Variants in DOT1L observed in about 807,000 individuals in gnomAD.
DOT1L encodes the protein histone-lysine N-methyltransferase, H3 lysine-79 specific.
Under a neutral mutation model 153.3 loss-of-function variants are expected in DOT1L, and 33 were observed. That is an observed-to-expected ratio of 0.22 (90% CI 0.16 to 0.29). The LOEUF is 0.29. Among genes scored for constraint, DOT1L ranks in the 10% least tolerant of loss-of-function variants. The probability of loss-of-function intolerance (pLI) is 1.00; values close to 1 mark genes in which losing one functional copy is unlikely to be tolerated. For synonymous variants in DOT1L, 1,135 were observed against 965.1 expected (o/e 1.18, Z -3.26); for missense variants, 1,847 against 2,119.9 (o/e 0.87, Z 2.53).
At chr19:2,225,643 C>T (rs754990416) in intron 26 of DOT1L, among the ~76,000 whole-genome samples, 191 bp downstream of exon 26, 8 of 151,568 alleles carry the variant, frequency 5.3e-5, no homozygotes, top group Admixed American at 3.3e-4. Context: ...GGGCGCTGGG[C>T]TTCCAGAACT....
chr19:2,202,965 A>G (rs1004505610), intron 9 of DOT1L, among the ~76,000 whole-genome samples, 186 bp downstream of exon 9: 2 of 152,138 alleles, frequency 1.3e-5, no homozygotes, highest in African/African-American at 2.4e-5. Flanking sequence ...TCTGTCACCC[A>G]GGCTGGAGTG....
rs1599560690 is a variant in DOT1L, at chr19:2,190,960, G to A, written c.265-52G>A. On this transcript the variant is annotated intron_variant, in intron 4 of 27. Transcript: ENST00000398665. This position sits in a 1 kb window ranked among gnomAD's most constrained non-coding sequence, Gnocchi z 4.8. ...AAGGTCCCGGGTCTTGGTGGTGGAG[G>A]GGCTGGGCCGTGAGGTTTATGTGAC... 1 of 1,502,896 alleles carries A rather than the reference G, an allele frequency of 6.7e-7. No individual in the cohort carries two copies. The highest frequency in any genetic ancestry group is 2.4e-5 in the East Asian group (1 of 40,852). 93.1% of individuals were successfully genotyped at this position (1,502,896 alleles called of 1,614,324 possible).
intron 10 of DOT1L, 25 bp downstream of exon 10, chr19:2,206,822 G>T (rs778170732): frequency 2.5e-6 from 4 of 1,604,564 alleles, no homozygotes; most frequent in Non-Finnish European, 3.4e-6. Context: ...TGTTGTTAAT[G>T]ATGAACACGG....
chr19:2,213,312 AG>A (rs2023778758), intron 16 of DOT1L: 1 of 481,496 alleles, frequency 2.1e-6, no homozygotes, highest in South Asian at 2.6e-5. Context: ...TGGCAGGTGC[AG>A]TCCCTCCAGC....
In DOT1L at chr19:2,185,213, T is replaced by G. The variant is rs1470340712; in HGVS notation, c.126-642T>G. Among the ~76,000 whole-genome samples the G allele has an allele frequency of 2.0e-5, 3 of 152,144 alleles. No individual in the cohort carries two copies. The East Asian group carries it at 5.8e-4, about 29-fold the overall frequency. On this transcript the variant is annotated intron_variant, in intron 2 of 27. Coordinates refer to ENST00000398665, the MANE Select transcript of DOT1L (RefSeq NM_032482.3). ...GCCACCGCACCCGGCACCAGTTGGC[T>G]TTAGTTTCTAGTCAGTCAGTTGCTT... is the stretch of plus-strand genomic sequence containing the variant.
chr19:2,183,141 T>C (rs1277225835), intron 2 of DOT1L, among the ~76,000 whole-genome samples: 1 of 152,164 alleles, frequency 6.6e-6, no homozygotes, highest in Non-Finnish European at 1.5e-5. Context: ...TCAGTCCCCA[T>C]ACGGCCAGTG....
intron 1 of DOT1L, among the ~76,000 whole-genome samples, chr19:2,178,527 C>T (rs1003100713): frequency 9.3e-5 from 14 of 151,202 alleles, no homozygotes; most frequent in Non-Finnish European, 1.5e-4. Context: ...ACGCCATTCT[C>T]CTGCCTCTGC....
chr19:2,222,218 C>G lies in DOT1L; in HGVS notation c.3049C>G (p.Gln1017Glu), dbSNP rs546332154. 3.7e-6 allele frequency: 6 copies of G among 1,613,132 alleles called. No homozygotes were observed. The highest frequency in any genetic ancestry group is 1.7e-5 in the Admixed American group (1 of 60,030). The change falls in exon 24 of 28, where the codon CAG becomes GAG. Residue 1017 changes from glutamine to glutamate, a missense_variant. This residue lies in a region of DOT1L where 934 missense variants were observed against 825.3 expected (regional missense o/e 1.13). Transcript: ENST00000398665. The surrounding 1 kb of genome is among the most constrained non-coding windows in gnomAD (Gnocchi z 6.5). ...CAGTCCCCGGCTTGGTGGGGCCGCC[C>G]AGGGCCCGTTGCCCGAGGCCAGCAA... The part of the protein sequence containing the change: ...SSSPRLGGAA[Q>E]GPLPEASKGD...
At chr19:2,182,269 A>T (rs1216232483) in intron 2 of DOT1L, among the ~76,000 whole-genome samples, 1 of 152,136 alleles carries the variant, frequency 6.6e-6, no homozygotes, top group Non-Finnish European at 1.5e-5. Context: ...TCAGCTGGGC[A>T]TGGTGGCTCA....
Position 2,223,446 on chromosome 19 carries a change from G to A in DOT1L, c.3556G>A (p.Asp1186Asn). ...NGAHYSPLTSDEEPGSEDEPS... is the reference protein window; with the variant it reads ...NGAHYSPLTSNEEPGSEDEPS... ...GGCACACTACTCCCCACTCACCTCA[G>A]ACGAGGAGCCAGGCTCTGAGGACGA... Residue 1186 changes from aspartate to asparagine, a missense_variant, in exon 25 of 28, where the codon GAC (aspartate) becomes AAC (asparagine). Transcript: ENST00000398665. 6.2e-7 allele frequency: 1 copy of A among 1,613,154 alleles called. No homozygotes were observed. Among genetic ancestry groups the A allele is most frequent in the Non-Finnish European group, 8.5e-7 (1 of 1,179,948 alleles).
intron 23 of DOT1L, 108 bp from the exon 24 acceptor site, chr19:2,221,868 C>T: frequency 1.7e-6 from 2 of 1,182,846 alleles, no homozygotes; most frequent in Non-Finnish European, 2.3e-6. Context: ...TCCCCACTTC[C>T]CCGCCTCTCC....
intron 1 of DOT1L, among the ~76,000 whole-genome samples, chr19:2,173,759 A>G (rs2021771581): frequency 6.6e-6 from 1 of 152,122 alleles, no homozygotes; most frequent in Non-Finnish European, 1.5e-5. Context: ...CCTTCCCGGT[A>G]CCTTGCGAGT....
At chr19:2,196,969 C>T (rs763163268) in intron 7 of DOT1L, among the ~76,000 whole-genome samples, 10 of 151,826 alleles carry the variant, frequency 6.6e-5, no homozygotes, top group African/African-American at 1.2e-4. Flanking sequence ...GTTTCTGTTC[C>T]TCACCCCGTT....
At position 2,230,578 on chromosome 19, in the gene DOT1L, T is replaced by TG. The variant is rs2024558089; in HGVS notation, c.*787dup. Reference sequence around the variant, plus strand: ...CCATGGCTCGCAGCATGCCCTGCGATGCGGGGCAGGCCTGTCGTGGGTCCC... The same window carrying TG: ...CCATGGCTCGCAGCATGCCCTGCGATGGCGGGGCAGGCCTGTCGTGGGTCCC... On this transcript the variant is annotated 3_prime_UTR_variant, in exon 28 of 28. Coordinates refer to ENST00000398665, the MANE Select transcript of DOT1L (RefSeq NM_032482.3). 1 of 398,578 alleles carries TG rather than the reference T, an allele frequency of 2.5e-6. No homozygotes were observed. The highest frequency in any genetic ancestry group is 1.3e-4 in the South Asian group (1 of 7,874). The allele number at this position is 398,578 out of a possible 1,614,324, so 24.7% of individuals were successfully genotyped here. A position where few individuals can be genotyped will look rare whatever the true frequency, so the allele number is the denominator to read the frequency against.
rs1181228333 is a variant in DOT1L, at chr19:2,220,502, T to G, written c.2806+280T>G. On this transcript the variant is annotated intron_variant, in intron 23 of 27. Coordinates refer to ENST00000398665, the MANE Select transcript of DOT1L (RefSeq NM_032482.3). This position sits in a 1 kb window ranked among gnomAD's most constrained non-coding sequence, Gnocchi z 4.5. The stretch of plus-strand genomic sequence containing the variant: ...ATTCAGCCCGTGAGGTCGGCCCCAG[T>G]GCTCTCGGGGGCTCCTGTACTCACA... 3 of 539,738 alleles carry G rather than the reference T, an allele frequency of 5.6e-6. No homozygotes were observed. The African/African-American group carries it at 5.7e-5, about 10-fold the overall frequency. The allele number at this position is 539,738 out of a possible 1,614,324, so 33.4% of individuals were successfully genotyped here. A position where few individuals can be genotyped will look rare whatever the true frequency, so the allele number is the denominator to read the frequency against.
intron 3 of DOT1L, among the ~76,000 whole-genome samples, chr19:2,188,915 C>T (rs563807148): frequency 8.5e-5 from 13 of 152,314 alleles, no homozygotes; most frequent in South Asian, 8.3e-4. Context: ...TTGTGGCTCA[C>T]GTGCCCCACA....
At chr19:2,206,521 CA>C (rs5826758) in intron 9 of DOT1L, among the ~76,000 whole-genome samples, 37,165 of 81,058 alleles carry the variant, frequency 0.46, 4,597 homozygotes, top group Middle Eastern at 0.58. Flanking sequence ...GACTCTGTCT[CA>C]AAAAAAAAAA....
chr19:2,166,005 C>T (rs1227086407), intron 1 of DOT1L, among the ~76,000 whole-genome samples: 2 of 152,062 alleles, frequency 1.3e-5, no homozygotes, highest in South Asian at 2.1e-4. Context: ...CTCCTGACTT[C>T]GTGATCCACC....
At chr19:2,227,906 C>A in intron 27 of DOT1L, 1 of 1,228,690 alleles carries the variant, frequency 8.1e-7, no homozygotes, top group Non-Finnish European at 1.0e-6. Flanking sequence ...CCCGGCCGCC[C>A]CCTCCGCCTC....
Sources: gnomAD v4.1 joint callset for allele counts (sites outside exome capture counted in the v4.1 genomes callset) on GRCh38, gnomAD v4.1.1 for gene constraint, gnomAD v4.1.1 regional missense constraint, Gnocchi (gnomAD v3.1) non-coding constraint, MANE v1.5 for transcripts, NCBI Gene and HGNC (gene_info 2026-07-23, HGNC 2026-07-21) for gene names.